NOL4: variants seen among roughly 807,000 people sequenced by gnomAD.
The protein encoded by NOL4 is nucleolar protein 4, also known as cancer/testis antigen 125.
A neutral mutation model predicts 75.9 loss-of-function variants in NOL4; 17 were observed. The observed-to-expected ratio is 0.22, with a 90% CI of 0.15 to 0.34. The LOEUF (loss-of-function observed/expected upper bound fraction) is 0.34, where lower values mean the gene tolerates loss of function less well. Ranked by LOEUF, NOL4 falls within the 10% of genes least tolerant of loss-of-function variation. The pLI, the probability that NOL4 is intolerant of heterozygous loss-of-function variation, is 1.00. For missense variants in NOL4, 614 were observed against 793.5 expected, an observed-to-expected ratio of 0.77 and a Z score of 2.72; for synonymous variants, 292 against 289.9, an observed-to-expected ratio of 1.01 and a Z score of -0.07.
intron 9 of NOL4, among the ~76,000 whole-genome samples, chr18:33,893,395 T>G (rs528122726): frequency 6.6e-6 from 1 of 152,128 alleles, no homozygotes; most frequent in East Asian, 1.9e-4. Flanking sequence ...TTAAACTGAT[T>G]TGGACCCTGA....
At chr18:34,113,438 G>C (rs566187873) in intron 2 of NOL4, among the ~76,000 whole-genome samples, 7 of 152,030 alleles carry the variant, frequency 4.6e-5, no homozygotes, top group African/African-American at 1.4e-4. Flanking sequence ...CTAGGAGTTC[G>C]TGACAACCCA....
chr18:33,868,744 T>G (rs1303754488), intron 10 of NOL4, among the ~76,000 whole-genome samples: 4 of 150,736 alleles, frequency 2.7e-5, no homozygotes, highest in African/African-American at 9.8e-5. Context: ...CTTTAAAAAC[T>G]TGGGACAATG....
At chr18:33,970,109 C>G (rs1480410159) in intron 6 of NOL4, among the ~76,000 whole-genome samples, 3 of 152,146 alleles carry the variant, frequency 2.0e-5, no homozygotes, top group Non-Finnish European at 4.4e-5. Flanking sequence ...TCCTGAAAGT[C>G]TGAGGAACAC....
At chr18:34,118,515 C>T (rs190726103) in intron 2 of NOL4, among the ~76,000 whole-genome samples, 24 of 152,280 alleles carry the variant, frequency 1.6e-4, no homozygotes, top group Admixed American at 1.4e-3. Flanking sequence ...GATTCATAAA[C>T]ATATAGAACA....
intron 2 of NOL4, among the ~76,000 whole-genome samples, chr18:34,128,236 G>A (rs964413336): frequency 1.3e-5 from 2 of 151,716 alleles, no homozygotes; most frequent in Non-Finnish European, 2.9e-5. Context: ...ATTGCTTTTG[G>A]CACCTAAACA....
At position 34,179,096 on chromosome 18, in the gene NOL4, T is replaced by C. The variant is rs571774147; in HGVS notation, c.264+43894A>G. ...ACAACGTGCTCTCAAAACTAATGAG[T>C]CAAAGAAGAAGTCATAAAGGTAATT... is the stretch of plus-strand genomic sequence containing the variant. On this transcript the variant is annotated intron_variant, in intron 1 of 10. Transcript: ENST00000261592. 6.6e-5 allele frequency among the ~76,000 whole-genome samples: 10 copies of C among 150,950 alleles called. No individual in the cohort carries two copies. The South Asian group carries it at 1.9e-3, about 28-fold the overall frequency.
chr18:33,981,561 A>T (rs532102810), intron 6 of NOL4, among the ~76,000 whole-genome samples: 1 of 152,200 alleles, frequency 6.6e-6, no homozygotes, highest in South Asian at 2.1e-4. Context: ...GCCCCAGCTA[A>T]CTAGAATTCT....
chr18:34,150,328 T>A (rs1346402957), intron 1 of NOL4, among the ~76,000 whole-genome samples: 1 of 151,620 alleles, frequency 6.6e-6, no homozygotes, highest in Non-Finnish European at 1.5e-5. Flanking sequence ...CTAACACTAC[T>A]CAATTTCAAG....
chr18:34,009,487 C>G (rs2074250065), intron 6 of NOL4, among the ~76,000 whole-genome samples: 1 of 151,940 alleles, frequency 6.6e-6, no homozygotes, highest in Admixed American at 6.6e-5. Context: ...ACCCTAAATT[C>G]TGGAGCCAAT....
intron 1 of NOL4, among the ~76,000 whole-genome samples, chr18:34,167,372 C>G (rs1213910500): frequency 6.6e-6 from 1 of 152,026 alleles, no homozygotes; most frequent in Non-Finnish European, 1.5e-5. Flanking sequence ...TTGTTAAACA[C>G]TTCTCTAATC....
chr18:34,119,731 C>T (rs1459659691), intron 2 of NOL4, among the ~76,000 whole-genome samples: 3 of 152,136 alleles, frequency 2.0e-5, no homozygotes, highest in Non-Finnish European at 4.4e-5. Context: ...ACGCCATTCT[C>T]CTGCCTCAGC....
At chr18:34,208,931 C>T (rs2036313937) in intron 1 of NOL4, among the ~76,000 whole-genome samples, 1 of 151,544 alleles carries the variant, frequency 6.6e-6, no homozygotes, top group South Asian at 2.1e-4. Context: ...AGAAATAGGC[C>T]AGGTGCGATG....
chr18:33,951,092 A>G (rs1466249127), intron 8 of NOL4, among the ~76,000 whole-genome samples: 3 of 152,158 alleles, frequency 2.0e-5, no homozygotes, highest in African/African-American at 7.2e-5. Context: ...CTGACTATCA[A>G]ATCCAGGTGC....
chr18:33,913,622 T>C (rs2066539103), intron 9 of NOL4, among the ~76,000 whole-genome samples: 1 of 152,166 alleles, frequency 6.6e-6, no homozygotes, highest in African/African-American at 2.4e-5. Context: ...GTTGCCATTA[T>C]GGTAGAAAAA....
chr18:34,024,759 G>A (rs1261368023), intron 5 of NOL4, among the ~76,000 whole-genome samples: 1 of 152,176 alleles, frequency 6.6e-6, no homozygotes, highest in Non-Finnish European at 1.5e-5. Flanking sequence ...AATAATAGAT[G>A]TGTATTAGTA....
At chr18:34,058,124 G>C (rs116694815) in intron 5 of NOL4, among the ~76,000 whole-genome samples, 3,740 of 151,886 alleles carry the variant, frequency 0.025, 165 homozygotes, top group African/African-American at 0.086. Context: ...TTCCTCTGCT[G>C]GCCTGTTGTT....
chr18:33,893,942 T>C (rs2065247101), intron 9 of NOL4, among the ~76,000 whole-genome samples: 1 of 152,148 alleles, frequency 6.6e-6, no homozygotes, highest in Admixed American at 6.6e-5. Flanking sequence ...AGTTTGCCTT[T>C]GCTACCTCTA....
intron 6 of NOL4, among the ~76,000 whole-genome samples, chr18:33,983,134 G>GA (rs1206503093): frequency 6.6e-6 from 1 of 152,028 alleles, no homozygotes; most frequent in African/African-American, 2.4e-5. Context: ...ATGACATTCT[G>GA]AAAAAAGGCA....
chr18:33,998,241 A>G (rs370843666), intron 6 of NOL4, among the ~76,000 whole-genome samples: 100 of 152,216 alleles, frequency 6.6e-4, no homozygotes, highest in African/African-American at 2.3e-3. Flanking sequence ...AACCACTGAA[A>G]TGTACACTTT....
Sources: gnomAD v4.1 joint callset for allele counts (sites outside exome capture counted in the v4.1 genomes callset) on GRCh38, gnomAD v4.1.1 for gene constraint, MANE v1.5 for transcripts, NCBI Gene and HGNC (gene_info 2026-07-23, HGNC 2026-07-21) for gene names.